Variants in TFEB observed in about 807,000 individuals in gnomAD.
TFEB encodes transcription factor EB.
Under a neutral mutation model 48.0 loss-of-function variants are expected in TFEB, and 12 were observed. The observed-to-expected ratio is 0.25, with a 90% CI of 0.16 to 0.40. The LOEUF is 0.40. Ranked by LOEUF, TFEB falls within the 10% of genes least tolerant of loss-of-function variation. The pLI, the probability that TFEB is intolerant of heterozygous loss-of-function variation, is 1.00. For missense variants in TFEB, 509 were observed against 640.3 expected, an observed-to-expected ratio of 0.79 and a Z score of 2.21; for synonymous variants, 244 against 261.4, an observed-to-expected ratio of 0.93 and a Z score of 0.64.
At chr6:41,715,602 G>A (rs1226770059) in intron 1 of TFEB, among the ~76,000 whole-genome samples, 9 of 151,932 alleles carry the variant, frequency 5.9e-5, no homozygotes, top group East Asian at 3.9e-4. Context: ...CCCAGGAGGC[G>A]GAGCTTGCAG....
Position 41,691,036 on chromosome 6 carries a change from G to T in TFEB, c.178C>A (p.Gln60Lys). 1 of 1,574,264 alleles carries T rather than the reference G, an allele frequency of 6.4e-7. No homozygotes were observed. The highest frequency in any genetic ancestry group is 1.2e-5 in the South Asian group (1 of 86,836). The change falls in exon 2 of 9, where the codon CAG (glutamine) becomes AAG (lysine). Residue 60 changes from glutamine to lysine, a missense_variant. Gln to Lys is a moderately conservative substitution (Grantham distance 53). Coordinates refer to ENST00000373033, the MANE Select transcript of TFEB (RefSeq NM_001271944.2). The surrounding 1 kb of genome is among the most constrained non-coding windows in gnomAD (Gnocchi z 5.2). ...TCCCCAGGCACAGGTGGTGGCGACT[G>T]GAAGTGGACGGGGGTATTGATGGCC... ...TPAINTPVHF[Q>K]SPPPVPGEVL...
intron 1 of TFEB, among the ~76,000 whole-genome samples, chr6:41,694,843 C>T (rs1352511348): frequency 6.6e-6 from 1 of 152,018 alleles, no homozygotes; most frequent in Non-Finnish European, 1.5e-5. Flanking sequence ...GGGCACTTCC[C>T]TGGAGAGCCT....
chr6:41,719,350 C>T (rs1470331285), intron 1 of TFEB, among the ~76,000 whole-genome samples: 1 of 152,156 alleles, frequency 6.6e-6, no homozygotes, highest in Admixed American at 6.5e-5. Flanking sequence ...AAATGTAATG[C>T]TCTTGAATGA....
In TFEB at chr6:41,734,451, C is replaced by A. The variant is rs1771586115; in HGVS notation, c.-23+899G>T. ...CGAGCTGGCATCTGCCCGCTCCCTTCCAGGAGGCGAGCGGACGCGCTGGGC... is the reference window on the plus strand; with the variant it reads ...CGAGCTGGCATCTGCCCGCTCCCTTACAGGAGGCGAGCGGACGCGCTGGGC... On this transcript the variant is annotated intron_variant, in intron 1 of 8. Coordinates refer to ENST00000373033, the MANE Select transcript of TFEB (RefSeq NM_001271944.2). This position sits in a 1 kb window ranked among gnomAD's most constrained non-coding sequence, Gnocchi z 4.0. 2 of 915,044 alleles carry A rather than the reference C, an allele frequency of 2.2e-6. No individual in the cohort carries two copies. The highest frequency in any genetic ancestry group is 1.0e-4 in the South Asian group (2 of 19,838). 56.7% of individuals were successfully genotyped at this position (915,044 alleles called of 1,614,324 possible). A position where few individuals can be genotyped will look rare whatever the true frequency, so the allele number is the denominator to read the frequency against.
Position 41,724,029 on chromosome 6 carries a change from C to T in TFEB, c.-23+11321G>A, listed in dbSNP as rs1355202852. ...GTCTTGGCCTTGGGCCTTCCCAGGG[C>T]CTCCAGACACCCAGGTCGAGGCCGT... On this transcript the variant is annotated intron_variant, in intron 1 of 8. Coordinates refer to ENST00000373033, the MANE Select transcript of TFEB (RefSeq NM_001271944.2). This position sits in a 1 kb window ranked among gnomAD's most constrained non-coding sequence, Gnocchi z 4.4. 1 of 447,026 alleles carries T rather than the reference C, an allele frequency of 2.2e-6. No homozygotes were observed. Among genetic ancestry groups the T allele is most frequent in the South Asian group, 1.6e-5 (1 of 63,082 alleles). The allele number at this position is 447,026 out of a possible 1,614,324, so 27.7% of individuals were successfully genotyped here.
At chr6:41,697,768 T>G (rs12662389) in intron 1 of TFEB, among the ~76,000 whole-genome samples, 20,252 of 152,234 alleles carry the variant, frequency 0.13, 1,435 homozygotes, top group Middle Eastern at 0.23. Flanking sequence ...GTTAAATAAA[T>G]TACGGTGTGT....
Position 41,691,226 on chromosome 6 carries a change from C to T in TFEB, c.-13G>A, listed in dbSNP as rs753094543. ...TGCGTGACGCCATGGTGGCTGCCGGCGCTGGCTCCCTGTGGATGAGAAGGG... is the reference window on the plus strand; with the variant it reads ...TGCGTGACGCCATGGTGGCTGCCGGTGCTGGCTCCCTGTGGATGAGAAGGG... On this transcript the variant is annotated 5_prime_UTR_variant, in exon 2 of 9. Coordinates refer to ENST00000373033, the MANE Select transcript of TFEB (RefSeq NM_001271944.2). The surrounding 1 kb of genome is among the most constrained non-coding windows in gnomAD (Gnocchi z 5.2). 1.3e-5 allele frequency: 20 copies of T among 1,569,314 alleles called. No homozygotes were observed. The highest frequency in any genetic ancestry group is 2.7e-5 in the African/African-American group (2 of 73,998).
At position 41,724,344 on chromosome 6, in the gene TFEB, G is replaced by T. The variant is rs1025361903; in HGVS notation, c.-23+11006C>A. ...TATCGGTCGTCTGCGTCTCAGGGTG[G>T]ATGAGTTTACTGGGCCCTTTCGTGA... On this transcript the variant is annotated intron_variant, in intron 1 of 8. Coordinates refer to ENST00000373033, the MANE Select transcript of TFEB (RefSeq NM_001271944.2). The surrounding 1 kb of genome is among the most constrained non-coding windows in gnomAD (Gnocchi z 4.4). Among the ~76,000 whole-genome samples, 2 of 152,154 alleles carry T rather than the reference G, an allele frequency of 1.3e-5. No homozygotes were observed. The highest frequency in any genetic ancestry group is 4.8e-5 in the African/African-American group (2 of 41,412).
chr6:41,708,014 T>C (rs1257263707), intron 1 of TFEB, among the ~76,000 whole-genome samples: 1 of 152,224 alleles, frequency 6.6e-6, no homozygotes, highest in Non-Finnish European at 1.5e-5. Context: ...AGCACGTCTG[T>C]ACCTCCCTCT....
chr6:41,686,508 CTTTT>C (rs34883692), intron 7 of TFEB: 432 of 150,418 alleles, frequency 2.9e-3, no homozygotes, highest in Middle Eastern at 7.8e-3. Context: ...GCCTACCTTT[CTTTT>C]TTTTTTTTTT....
At chr6:41,714,728 T>C (rs1770658656) in intron 1 of TFEB, among the ~76,000 whole-genome samples, 1 of 152,074 alleles carries the variant, frequency 6.6e-6, no homozygotes, top group Non-Finnish European at 1.5e-5. Flanking sequence ...CGCTGGAAGC[T>C]CTACCCTTGA....
At chr6:41,733,975 G>A (rs931826270) in intron 1 of TFEB, 19 of 681,772 alleles carry the variant, frequency 2.8e-5, no homozygotes, top group Non-Finnish European at 3.3e-5. Context: ...CCACACCCCA[G>A]AGGTGTCACT....
rs558621270 is a variant in TFEB at position 41,686,189 on chromosome 6, G to A, written c.852C>T (p.Tyr284=). 1 of 1,614,144 alleles carries A rather than the reference G, an allele frequency of 6.2e-7. No homozygotes were observed. The highest frequency in any genetic ancestry group is 1.3e-5 in the African/African-American group (1 of 74,944). Reference sequence around the variant, plus strand: ...GCAGGTCCTTCTGCATCCTCCGGATGTAATCCACAGAGGCCTTGAGGATGG... The same window carrying A: ...GCAGGTCCTTCTGCATCCTCCGGATATAATCCACAGAGGCCTTGAGGATGG... The part of the protein sequence containing the change: ...KGTILKASVD[Y]IRRMQKDLQK... Residue 284 remains tyrosine, a synonymous_variant, in exon 8 of 9, where the codon TAC becomes TAT. Coordinates refer to ENST00000373033, the MANE Select transcript of TFEB (RefSeq NM_001271944.2).
chr6:41,712,280 G>A (rs918556020), intron 1 of TFEB, among the ~76,000 whole-genome samples: 1 of 152,248 alleles, frequency 6.6e-6, no homozygotes, highest in Non-Finnish European at 1.5e-5. Flanking sequence ...ACCGTCTCAG[G>A]GTCCTCTTCT....
At chr6:41,696,507 A>G (rs1209482503) in intron 1 of TFEB, among the ~76,000 whole-genome samples, 3 of 152,142 alleles carry the variant, frequency 2.0e-5, no homozygotes, top group Admixed American at 2.0e-4. Context: ...AGCCTGGCCA[A>G]CGTGGTGAAA....
intron 1 of TFEB, among the ~76,000 whole-genome samples, chr6:41,704,747 G>A (rs765276034): frequency 1.3e-5 from 2 of 152,234 alleles, no homozygotes; most frequent in Non-Finnish European, 2.9e-5. Context: ...GGAGAACACA[G>A]CAGGGAAGCA....
chr6:41,733,249 T>C, intron 1 of TFEB: 1 of 173,246 alleles, frequency 5.8e-6, no homozygotes, highest in Non-Finnish European at 1.1e-5. Flanking sequence ...CTGCCTGCCC[T>C]GGCCCACTCC....
chr6:41,718,123 A>G (rs1267094163), intron 1 of TFEB, among the ~76,000 whole-genome samples: 1 of 152,212 alleles, frequency 6.6e-6, no homozygotes, highest in Admixed American at 6.5e-5. Flanking sequence ...AAGTTAATTA[A>G]CATATACATC....
intron 8 of TFEB, among the ~76,000 whole-genome samples, chr6:41,685,414 G>T (rs542841990): frequency 3.9e-5 from 6 of 152,322 alleles, no homozygotes; most frequent in Admixed American, 6.5e-5. Flanking sequence ...GTTACTTCAT[G>T]AAACTGATTT....
Sources: gnomAD v4.1 joint callset for allele counts (sites outside exome capture counted in the v4.1 genomes callset) on GRCh38, gnomAD v4.1.1 for gene constraint, Gnocchi (gnomAD v3.1) non-coding constraint, MANE v1.5 for transcripts, NCBI Gene and HGNC (gene_info 2026-07-23, HGNC 2026-07-21) for gene names.